RGS12: variants seen among roughly 807,000 people sequenced by gnomAD.
RGS12 encodes regulator of G protein signaling 12, also known as regulator of G-protein signaling 12.
In RGS12, 66 loss-of-function variants were observed where a neutral mutation model predicts 120.1. The ratio of observed to expected loss-of-function variants is 0.55; its 90% confidence interval spans 0.45 to 0.67. The LOEUF (loss-of-function observed/expected upper bound fraction) is 0.67, where lower values mean the gene tolerates loss of function less well. RGS12 is among the 30% of genes least tolerant of loss of function. The pLI, the probability that RGS12 is intolerant of heterozygous loss-of-function variation, is 0.00. For synonymous variants in RGS12, 827 were observed against 804.7 expected (o/e 1.03, Z -0.47); for missense variants, 1,859 against 1,957.7 (o/e 0.95, Z 0.95).
intron 2 of RGS12, among the ~76,000 whole-genome samples, chr4:3,333,449 T>TAA (rs1042534049): frequency 6.6e-6 from 1 of 152,270 alleles, no homozygotes; most frequent in Non-Finnish European, 1.5e-5. Context: ...GTGTCTTATT[T>TAA]AATACATTTA....
intron 3 of RGS12, among the ~76,000 whole-genome samples, chr4:3,352,207 C>G (rs114386272): frequency 2.0e-5 from 3 of 152,112 alleles, no homozygotes; most frequent in African/African-American, 7.2e-5. Flanking sequence ...GGTCTTTTAT[C>G]ATCCGAGACA....
At position 3,430,707 on chromosome 4, in the gene RGS12, C is replaced by T. The variant is rs755111238; in HGVS notation, c.3866C>T (p.Pro1289Leu). ...CCCCCTGGACCTCCTGGGACGACCC[C>T]CCCCGGGCAGAAGTCTCCCAGCGGG... Reference protein sequence around the residue: ...SSPPGPPGTTPPGQKSPSGPF... With the variant: ...SSPPGPPGTTLPGQKSPSGPF... The change falls in exon 17 of 18, where the codon CCC becomes CTC. Residue 1289 changes from proline (P) to leucine (L), a missense_variant. Physicochemically the swap from Pro to Leu is moderately conservative, Grantham distance 98. This residue lies in a region of RGS12 where 517 missense variants were observed against 488.5 expected (regional missense o/e 1.06). Transcript: ENST00000336727. The T allele has an allele frequency of 6.3e-6, 10 of 1,579,198 alleles. No homozygotes were observed. The highest frequency in any genetic ancestry group is 1.2e-5 in the South Asian group (1 of 85,150).
At chr4:3,294,952 G>A (rs898112695) in intron 1 of RGS12, among the ~76,000 whole-genome samples, 1 of 152,112 alleles carries the variant, frequency 6.6e-6, no homozygotes, top group Non-Finnish European at 1.5e-5. Context: ...GGGGTGGCGC[G>A]GCCTGAGGGC....
At chr4:3,288,041 C>T (rs1019228105), upstream of RGS12, among the ~76,000 whole-genome samples, 8 of 152,232 alleles carry the variant, frequency 5.3e-5, no homozygotes, top group African/African-American at 1.2e-4. This position sits in a 1 kb window ranked among gnomAD's most constrained non-coding sequence, Gnocchi z 5.2. Context: ...CTCCCATGGC[C>T]GAGCCGTCGA....
intron 17 of RGS12, among the ~76,000 whole-genome samples, chr4:3,435,050 G>A (rs1021638535): frequency 7.2e-5 from 11 of 152,104 alleles, no homozygotes; most frequent in African/African-American, 2.2e-4. Flanking sequence ...CCTGGGGCTG[G>A]GGTCCCCTGG....
At chr4:3,386,026 T>C (rs988958300) in intron 3 of RGS12, 4 of 247,980 alleles carry the variant, frequency 1.6e-5, no homozygotes, top group Non-Finnish European at 3.1e-5. Context: ...AGTGTGGTCC[T>C]GGGTGGCGTC....
At chr4:3,426,736 G>A (rs895543615) in intron 14 of RGS12, 1 of 152,168 alleles carries the variant, frequency 6.6e-6, no homozygotes, top group Non-Finnish European at 1.5e-5. Context: ...CGTGAGGAAG[G>A]TTACTCAGAC....
chr4:3,411,557 C>A (rs1376007263), intron 4 of RGS12, among the ~76,000 whole-genome samples: 1 of 152,234 alleles, frequency 6.6e-6, no homozygotes, highest in East Asian at 1.9e-4. Flanking sequence ...AACAAGACAC[C>A]CATAGGCAAG....
Position 3,303,135 on chromosome 4 carries a change from G to A in RGS12, c.-102+10036G>A, listed in dbSNP as rs529909064. ...ATGTTGAGGTTTGGGGAGGGACCCA[G>A]TGAGAGAGCCTCAAGAGGCTGGACC... On this transcript the variant is annotated intron_variant, in intron 1 of 17. Transcript: ENST00000336727. 1.2e-3 allele frequency among the ~76,000 whole-genome samples: 187 copies of A among 152,372 alleles called. 1 individual carries two copies. The highest frequency in any genetic ancestry group is 1.9e-3 in the Non-Finnish European group (132 of 68,020).
At chr4:3,321,952 A>G (rs1172128288) in intron 2 of RGS12, among the ~76,000 whole-genome samples, 2 of 152,236 alleles carry the variant, frequency 1.3e-5, no homozygotes, top group Non-Finnish European at 2.9e-5. Context: ...AAGAAATATA[A>G]TACTGCATCT....
At chr4:3,434,455 C>T (rs372882254) in intron 17 of RGS12, among the ~76,000 whole-genome samples, 6 of 152,090 alleles carry the variant, frequency 3.9e-5, no homozygotes, top group Non-Finnish European at 7.4e-5. Flanking sequence ...TGGCATGTGT[C>T]GGTGTGTGCA....
intron 4 of RGS12, among the ~76,000 whole-genome samples, chr4:3,411,588 T>A (rs922543002): frequency 1.3e-5 from 2 of 152,232 alleles, no homozygotes; most frequent in African/African-American, 4.8e-5. Context: ...ATATGTCCAT[T>A]TAGGGAGAAT....
chr4:3,343,723 G>A (rs139345567), intron 3 of RGS12, among the ~76,000 whole-genome samples: 1 of 151,794 alleles, frequency 6.6e-6, no homozygotes, highest in Non-Finnish European at 1.5e-5. Flanking sequence ...GAAAGCCGCC[G>A]CCCTGGAAAT....
chr4:3,431,033 G>GC (rs1724250526), intron 17 of RGS12, 78 bp downstream of exon 17: 1 of 1,527,360 alleles, frequency 6.5e-7, no homozygotes, highest in Admixed American at 2.0e-5. Flanking sequence ...AGGACAGTGG[G>GC]CCCCCGGCTG....
chr4:3,439,300 C>T (rs904660752), intron 17 of RGS12, among the ~76,000 whole-genome samples, 155 bp from the exon 18 acceptor site: 2 of 152,088 alleles, frequency 1.3e-5, no homozygotes, highest in African/African-American at 2.4e-5. Flanking sequence ...AGCCTGGAGG[C>T]CCACAGCGGG....
In RGS12 at chr4:3,431,607, G is replaced by C. The variant is rs1413259239; in HGVS notation, c.4114+652G>C. The C allele has an allele frequency of 4.2e-5, 41 of 985,474 alleles. No individual in the cohort carries two copies. The Admixed American group carries it at 6.8e-4, about 16-fold the overall frequency. 61.0% of individuals were successfully genotyped at this position (985,474 alleles called of 1,614,324 possible). On this transcript the variant is annotated intron_variant, in intron 17 of 17. Transcript: ENST00000336727. ...GTGAACAGGATGGCCTGGCAGCAGG[G>C]ATGTTTCCGTGAGCCACAAATACCA...
intron 2 of RGS12, among the ~76,000 whole-genome samples, chr4:3,325,750 C>G (rs896932592): frequency 6.6e-6 from 1 of 152,076 alleles, no homozygotes; most frequent in Non-Finnish European, 1.5e-5. Flanking sequence ...AAATACAGAC[C>G]AATATCCCTA....
At chr4:3,346,064 A>G (rs1713757710) in intron 3 of RGS12, among the ~76,000 whole-genome samples, 1 of 152,146 alleles carries the variant, frequency 6.6e-6, no homozygotes, top group Admixed American at 6.5e-5. Flanking sequence ...TATTTTGGGT[A>G]TATGGTCCTT....
Position 3,432,902 on chromosome 4 carries a change from C to T in RGS12, c.4114+1947C>T, listed in dbSNP as rs149443834. Among the ~76,000 whole-genome samples, 396 of 152,300 alleles carry T rather than the reference C, an allele frequency of 2.6e-3. 1 individual carries two copies. Among genetic ancestry groups the T allele is most frequent in the African/African-American group, 9.1e-3 (380 of 41,560 alleles). On this transcript the variant is annotated intron_variant, in intron 17 of 17. Coordinates refer to ENST00000336727, the MANE Select transcript of RGS12 (RefSeq NM_001394154.1). Reference sequence around the variant, plus strand: ...GTGTCCTCCACGTGCCTGTCCGTGGCGACACAGGACAACTGCTGAGGACCT... The same window carrying T: ...GTGTCCTCCACGTGCCTGTCCGTGGTGACACAGGACAACTGCTGAGGACCT...
Sources: allele counts gnomAD v4.1 joint callset (sites outside exome capture counted in the v4.1 genomes callset), GRCh38; gene constraint gnomAD v4.1.1; regional missense constraint gnomAD v4.1.1; non-coding constraint Gnocchi (gnomAD v3.1); transcripts MANE v1.5; gene names NCBI Gene and HGNC (gene_info 2026-07-23, HGNC 2026-07-21).